The following ALS2CL variants were observed in gnomAD, a reference collection of about 807,000 sequenced individuals.
The protein encoded by ALS2CL is ALS2 C-terminal like.
In ALS2CL, 112 loss-of-function variants were observed where a neutral mutation model predicts 127.9. The observed-to-expected ratio is 0.88, with a 90% CI of 0.75 to 1.02. ALS2CL has a LOEUF of 1.02. Ranked by LOEUF, ALS2CL falls within the 50% of genes least tolerant of loss-of-function variation. ALS2CL has a pLI of 0.00. For missense variants in ALS2CL, 1,174 were observed against 1,236.7 expected (o/e 0.95, Z 0.76); for synonymous variants, 519 against 527.6 (o/e 0.98, Z 0.22).
chr3:46,673,631 G>T (rs555627516), intron 21 of ALS2CL, among the ~76,000 whole-genome samples: 8 of 152,272 alleles, frequency 5.3e-5, no homozygotes, highest in Admixed American at 1.3e-4. Flanking sequence ...GAGAGGGAGG[G>T]GTGAGGAGAC....
intron 10 of ALS2CL, 136 bp from the exon 11 acceptor site, chr3:46,682,230 G>T (rs890446804): frequency 1.2e-5 from 11 of 912,020 alleles, no homozygotes; most frequent in Non-Finnish European, 1.7e-5. Context: ...TCTTGTCTGA[G>T]CTCCGAACAT....
rs762029197 is a variant in ALS2CL at position 46,683,310 on chromosome 3, T to G, written c.929A>C (p.Lys310Thr). 1.3e-6 allele frequency: 2 copies of G among 1,590,010 alleles called. No individual in the cohort carries two copies. The highest frequency in any genetic ancestry group is 2.3e-5 in the South Asian group (2 of 88,132). Residue 310 changes from lysine (K) to threonine (T), a missense_variant, in exon 10 of 26, where the codon AAG becomes ACG. Transcript: ENST00000318962. ...GGCCTGGTGAACAGCCCAGGTCACC[T>G]TCCACTGCCAGACTGCCTGGTGGGA... ...DSQGQAVWQW[K>T]VTWAVHQALH... is the part of the protein sequence containing the mutation.
At chr3:46,692,862 C>G (rs1700242879) in intron 1 of ALS2CL, among the ~76,000 whole-genome samples, 1 of 152,214 alleles carries the variant, frequency 6.6e-6, no homozygotes, top group African/African-American at 2.4e-5. Flanking sequence ...CTTCCCTGTC[C>G]TCTCCCAGGC....
intron 1 of ALS2CL, among the ~76,000 whole-genome samples, chr3:46,690,916 G>A (rs1360561050): frequency 1.3e-5 from 2 of 152,220 alleles, no homozygotes; most frequent in Non-Finnish European, 2.9e-5. Flanking sequence ...GGAGTGGGGC[G>A]GGTCCCTCAG....
At chr3:46,682,457 T>C (rs1174426638) in intron 10 of ALS2CL, among the ~76,000 whole-genome samples, 1 of 152,222 alleles carries the variant, frequency 6.6e-6, no homozygotes, top group Non-Finnish European at 1.5e-5. Context: ...TTCTGTGTTT[T>C]TTCTGTCCTT....
chr3:46,683,671 C>A, intron 9 of ALS2CL, 111 bp downstream of exon 9: 2 of 1,366,018 alleles, frequency 1.5e-6, no homozygotes, highest in South Asian at 2.4e-5. Context: ...CAGAAGCCTG[C>A]CAGACACTCG....
Position 46,669,101 on chromosome 3 carries a change from C to T in ALS2CL, c.*1883G>A, listed in dbSNP as rs182993088. The T allele has an allele frequency of 7.2e-5, 11 of 152,074 alleles. No homozygotes were observed. The highest frequency in any genetic ancestry group is 2.6e-4 in the Admixed American group (4 of 15,270). The allele number at this position is 152,074 out of a possible 1,614,324, so 9.4% of individuals were successfully genotyped here. ...GGATTGAGTGCAGAGGTGCGATCTC[C>T]GCTCACTGCAACCTCGACCCTCCAG... On this transcript the variant is annotated 3_prime_UTR_variant, in exon 26 of 26. Coordinates refer to ENST00000318962, the MANE Select transcript of ALS2CL (RefSeq NM_147129.5).
intron 19 of ALS2CL, 50 bp from the exon 20 acceptor site, chr3:46,675,736 T>G (rs779078275): frequency 5.0e-6 from 8 of 1,610,562 alleles, no homozygotes; most frequent in Non-Finnish European, 6.8e-6. Flanking sequence ...GCCACAGAAC[T>G]GGAGTTCTAC....
At chr3:46,673,457 A>G (rs886448680) in intron 21 of ALS2CL, 76 bp from the exon 22 acceptor site, 4 of 1,438,758 alleles carry the variant, frequency 2.8e-6, no homozygotes, top group Admixed American at 4.0e-5. Flanking sequence ...CAAATTCCCT[A>G]TGCCACTGTT....
At chr3:46,683,637 C>T in intron 9 of ALS2CL, 145 bp downstream of exon 9, 1 of 1,046,068 alleles carries the variant, frequency 9.6e-7, no homozygotes, top group Non-Finnish European at 1.5e-6. Flanking sequence ...AATTCTTGAC[C>T]CCGATTTACT....
In ALS2CL at chr3:46,669,645, T is replaced by C. The variant is rs3747519; in HGVS notation, c.*1339A>G. ...CCTTCCTGGGGGTGTCACAGGCTCCTGGCAGAACCAGAGCCCATGCCCTGC... is the reference window on the plus strand; with the variant it reads ...CCTTCCTGGGGGTGTCACAGGCTCCCGGCAGAACCAGAGCCCATGCCCTGC... On this transcript the variant is annotated 3_prime_UTR_variant, in exon 26 of 26. Coordinates refer to ENST00000318962, the MANE Select transcript of ALS2CL (RefSeq NM_147129.5). 61,515 of 152,176 alleles carry C rather than the reference T, an allele frequency of 0.4. 12,988 individuals are homozygous for C. The highest frequency in any genetic ancestry group is 0.47 in the Non-Finnish European group (31,698 of 67,982). The allele number at this position is 152,176 out of a possible 1,614,324, so 9.4% of individuals were successfully genotyped here.
Position 46,686,948 on chromosome 3 carries a change from C to T in ALS2CL, c.534+35G>A, listed in dbSNP as rs765317479. 19 of 1,541,178 alleles carry T rather than the reference C, an allele frequency of 1.2e-5. No individual in the cohort carries two copies. Among genetic ancestry groups the T allele is most frequent in the South Asian group, 9.8e-5 (8 of 81,824 alleles). ...TCTGGGCCCTATCCCTCCCTTCCCT[C>T]GGCTTCCCCACATGCTGCTGCCCCT... On this transcript the variant is annotated intron_variant, in intron 5 of 25. Coordinates refer to ENST00000318962, the MANE Select transcript of ALS2CL (RefSeq NM_147129.5). This position sits in a 1 kb window ranked among gnomAD's most constrained non-coding sequence, Gnocchi z 4.3.
At chr3:46,678,836 C>T (rs757015504) in intron 15 of ALS2CL, among the ~76,000 whole-genome samples, 4 of 152,336 alleles carry the variant, frequency 2.6e-5, no homozygotes, top group African/African-American at 4.8e-5. Context: ...AAGGCTCCAG[C>T]GGGGACACAT....
intron 21 of ALS2CL, 89 bp from the exon 22 acceptor site, chr3:46,673,470 C>T (rs1407900705): frequency 2.9e-6 from 4 of 1,366,120 alleles, no homozygotes; most frequent in Non-Finnish European, 3.0e-6. Flanking sequence ...CCACTGTTTC[C>T]CCCGGCAGAT....
rs1056082579 is a variant in ALS2CL at position 46,681,866 on chromosome 3, G to T, written c.1175+163C>A. Reference sequence around the variant, plus strand: ...GACGGGCCCCCTATTCAGGCCCCCGGTTCCCCTTTGGTACAGTGGGCGGGG... The same window carrying T: ...GACGGGCCCCCTATTCAGGCCCCCGTTTCCCCTTTGGTACAGTGGGCGGGG... On this transcript the variant is annotated intron_variant, in intron 11 of 25. Transcript: ENST00000318962. The surrounding 1 kb of genome is among the most constrained non-coding windows in gnomAD (Gnocchi z 4.9). 8.5e-5 allele frequency among the ~76,000 whole-genome samples: 13 copies of T among 152,138 alleles called. No individual in the cohort carries two copies. The highest frequency in any genetic ancestry group is 1.7e-4 in the African/African-American group (7 of 41,432).
chr3:46,676,442 G>A (rs774554403), intron 18 of ALS2CL, 40 bp from the exon 19 acceptor site: 14 of 1,609,798 alleles, frequency 8.7e-6, no homozygotes, highest in East Asian at 6.7e-5. Context: ...ACTAAGCACT[G>A]GGGTCTGGAG....
intron 3 of ALS2CL, 85 bp downstream of exon 3, chr3:46,688,013 T>C: frequency 6.6e-7 from 1 of 1,507,278 alleles, no homozygotes; most frequent in South Asian, 1.2e-5. Context: ...CTGACCCATG[T>C]GAGCCCCAAC....
intron 1 of ALS2CL, among the ~76,000 whole-genome samples, chr3:46,693,147 C>T (rs1700265029): frequency 6.6e-6 from 1 of 152,218 alleles, no homozygotes; most frequent in Non-Finnish European, 1.5e-5. Flanking sequence ...AGCCTCTTGT[C>T]CTAGACAAGC....
At position 46,671,540 on chromosome 3, in the gene ALS2CL, A is replaced by C. The variant is rs1406910512; in HGVS notation, c.2729T>G (p.Met910Arg). 1 of 1,614,006 alleles carries C rather than the reference A, an allele frequency of 6.2e-7. No individual in the cohort carries two copies. The highest frequency in any genetic ancestry group is 8.5e-7 in the Non-Finnish European group (1 of 1,179,982). Residue 910 changes from methionine (M) to arginine (R), a missense_variant, in exon 25 of 26, where the codon ATG (methionine) becomes AGG (arginine). Transcript: ENST00000318962. ...GAEIHLIRDM[M>R]DPNHTGGLYD... ...CAGGCCTCCTGTGTGGTTGGGGTCCATCATGTCACGGATCAGGTGGATCTC... is the reference window on the plus strand; with the variant it reads ...CAGGCCTCCTGTGTGGTTGGGGTCCCTCATGTCACGGATCAGGTGGATCTC...
Sources: allele counts gnomAD v4.1 joint callset (sites outside exome capture counted in the v4.1 genomes callset), GRCh38; gene constraint gnomAD v4.1.1; non-coding constraint Gnocchi (gnomAD v3.1); transcripts MANE v1.5; gene names NCBI Gene and HGNC (gene_info 2026-07-23, HGNC 2026-07-21).